The following MITF variants were observed in gnomAD, a reference collection of about 807,000 sequenced individuals.
MITF encodes the protein microphthalmia-associated transcription factor.
A neutral mutation model predicts 60.5 loss-of-function variants in MITF; 17 were observed. The observed-to-expected ratio is 0.28, with a 90% CI of 0.19 to 0.42. The LOEUF (loss-of-function observed/expected upper bound fraction) is 0.42. Ranked by LOEUF, MITF falls within the 10% of genes least tolerant of loss-of-function variation. The probability of loss-of-function intolerance (pLI) is 1.00; values close to 1 mark genes in which losing one functional copy is unlikely to be tolerated. For missense variants in MITF, 622 were observed against 683.5 expected, an observed-to-expected ratio of 0.91 and a Z score of 1.00; for synonymous variants, 260 against 248.5, an observed-to-expected ratio of 1.05 and a Z score of -0.43.
chr3:69,902,184 A>G (rs574243360), intron 2 of MITF, among the ~76,000 whole-genome samples: 1 of 152,236 alleles, frequency 6.6e-6, no homozygotes, highest in East Asian at 1.9e-4. Flanking sequence ...GAAGAATTGC[A>G]TTCATATTAT....
intron 1 of MITF, among the ~76,000 whole-genome samples, chr3:69,858,177 T>G (rs1175705164): frequency 6.6e-6 from 1 of 152,156 alleles, no homozygotes; most frequent in Non-Finnish European, 1.5e-5. Flanking sequence ...AATATTTTAC[T>G]ATCAACATTA....
At chr3:69,835,994 T>C (rs2063534569) in intron 1 of MITF, among the ~76,000 whole-genome samples, 2 of 152,182 alleles carry the variant, frequency 1.3e-5, no homozygotes, top group Admixed American at 1.3e-4. Context: ...GGATTTTTTT[T>C]CTATTTCTAT....
chr3:69,923,999 A>G (rs1420568553), intron 2 of MITF, among the ~76,000 whole-genome samples: 1 of 152,180 alleles, frequency 6.6e-6, no homozygotes, highest in Non-Finnish European at 1.5e-5. Flanking sequence ...TCAGTTGATT[A>G]CGTGTTTTAG....
chr3:69,942,561 T>C (rs1311450763), intron 5 of MITF, among the ~76,000 whole-genome samples: 2 of 152,128 alleles, frequency 1.3e-5, no homozygotes, highest in African/African-American at 2.4e-5. Context: ...CAAGCTTCTT[T>C]TATGATATTT....
rs770717815 is a variant in MITF at position 69,966,009 on chromosome 3, G to C, written c.*761G>C. On this transcript the variant is annotated 3_prime_UTR_variant, in exon 10 of 10. Coordinates refer to ENST00000352241, the MANE Select transcript of MITF (RefSeq NM_001354604.2). The stretch of plus-strand genomic sequence containing the variant: ...TCATAAGATATTTTATTTTGAAATG[G>C]AAATTAATGTCCTCTCAAAGTAAAA... The C allele has an allele frequency of 4.3e-6, 1 of 231,962 alleles. No individual in the cohort carries two copies. Among genetic ancestry groups the C allele is most frequent in the Admixed American group, 5.6e-5 (1 of 17,720 alleles). The allele number at this position is 231,962 out of a possible 1,614,324, so 14.4% of individuals were successfully genotyped here.
intron 1 of MITF, among the ~76,000 whole-genome samples, chr3:69,848,698 G>C (rs996193581): frequency 1.3e-5 from 2 of 152,120 alleles, no homozygotes; most frequent in Admixed American, 1.3e-4. Flanking sequence ...TTGTGAACAT[G>C]ATGGCAATGA....
chr3:69,760,303 G>A (rs965489938), intron 1 of MITF, among the ~76,000 whole-genome samples: 1 of 152,116 alleles, frequency 6.6e-6, no homozygotes, highest in African/African-American at 2.4e-5. Flanking sequence ...ATTGACAGAG[G>A]GCAGGTGAGC....
intron 1 of MITF, among the ~76,000 whole-genome samples, chr3:69,793,011 T>A (rs1368835570): frequency 1.6e-5 from 2 of 127,888 alleles, no homozygotes; most frequent in African/African-American, 3.0e-5. Flanking sequence ...TTTTTTTTTT[T>A]TTTTTTTTTT....
chr3:69,955,640 C>G (rs780377858), intron 7 of MITF, among the ~76,000 whole-genome samples: 3 of 151,838 alleles, frequency 2.0e-5, no homozygotes, highest in Non-Finnish European at 4.4e-5. Flanking sequence ...ACAGTGAAAC[C>G]CCCTTCTCTA....
chr3:69,903,269 C>T (rs754988509), intron 2 of MITF, among the ~76,000 whole-genome samples: 38 of 152,192 alleles, frequency 2.5e-4, no homozygotes, highest in South Asian at 8.3e-4. Flanking sequence ...TAGGAATGGC[C>T]TTGTAATCTG....
intron 1 of MITF, among the ~76,000 whole-genome samples, chr3:69,850,431 A>C (rs1056496047): frequency 6.6e-6 from 1 of 152,218 alleles, no homozygotes; most frequent in African/African-American, 2.4e-5. Context: ...AGATTAAAAT[A>C]AGGTAATGCA....
intron 1 of MITF, chr3:69,838,594 G>T (rs1213789795): frequency 6.6e-6 from 1 of 152,562 alleles, no homozygotes; most frequent in Non-Finnish European, 1.5e-5. Flanking sequence ...TTGTCAACAG[G>T]CTATTTTTCT....
chr3:69,890,091 A>G (rs1382327934), intron 2 of MITF, among the ~76,000 whole-genome samples: 1 of 152,156 alleles, frequency 6.6e-6, no homozygotes, highest in Non-Finnish European at 1.5e-5. Flanking sequence ...ACAAAGTATT[A>G]CTGTTTTCCT....
At chr3:69,916,874 A>G (rs928760596) in intron 2 of MITF, among the ~76,000 whole-genome samples, 1 of 152,238 alleles carries the variant, frequency 6.6e-6, no homozygotes, top group African/African-American at 2.4e-5. Flanking sequence ...TTATCATAAA[A>G]TAAACACATC....
At chr3:69,915,842 T>G (rs2065322495) in intron 2 of MITF, among the ~76,000 whole-genome samples, 1 of 152,148 alleles carries the variant, frequency 6.6e-6, no homozygotes, top group African/African-American at 2.4e-5. Context: ...CCCTGTTCCT[T>G]TTCCTTATCC....
rs79687365 is a variant in MITF, at chr3:69,953,623, A to G, written c.955+1737A>G. On this transcript the variant is annotated intron_variant, in intron 7 of 9. Coordinates refer to ENST00000352241, the MANE Select transcript of MITF (RefSeq NM_001354604.2). ...TATGTATGTATATGTATATATATAT[A>G]TGTGTGTATATATATATATGTATGT... 4.4e-3 allele frequency among the ~76,000 whole-genome samples: 550 copies of G among 124,858 alleles called. 3 individuals carry two copies. Among genetic ancestry groups the G allele is most frequent in the South Asian group, 0.027 (105 of 3,898 alleles). The allele number at this position is 124,858 out of a possible 152,430, so 81.9% of individuals were successfully genotyped here.
rs1011166919 is a variant in MITF, at chr3:69,949,036, T to C, written c.763-15T>C. 8 of 1,575,688 alleles carry C rather than the reference T, an allele frequency of 5.1e-6. No homozygotes were observed. The highest frequency in any genetic ancestry group is 7.0e-6 in the Non-Finnish European group (8 of 1,145,194). Reference sequence around the variant, plus strand: ...GTTCAACAGTTAATTTCTGTTACTGTTTGTCTCTCTCTAGTTGCCTGTCTC... The same window carrying C: ...GTTCAACAGTTAATTTCTGTTACTGCTTGTCTCTCTCTAGTTGCCTGTCTC... On this transcript the variant is annotated splice_polypyrimidine_tract_variant and intron_variant, in intron 5 of 9. Transcript: ENST00000352241.
Position 69,792,613 on chromosome 3 carries a change from G to C in MITF, c.104+52912G>C, listed in dbSNP as rs901171754. On this transcript the variant is annotated intron_variant, in intron 1 of 9. Transcript: ENST00000352241. The stretch of plus-strand genomic sequence containing the variant: ...CCCATGCAAATAAGATATGTATCTA[G>C]AGAAATTTGTTTTTCTAATTTTTAC... 6.6e-5 allele frequency among the ~76,000 whole-genome samples: 10 copies of C among 152,190 alleles called. No homozygotes were observed. The South Asian group carries it at 1.5e-3, about 22-fold the overall frequency.
intron 1 of MITF, among the ~76,000 whole-genome samples, chr3:69,761,531 G>A (rs919114717): frequency 6.6e-6 from 1 of 152,182 alleles, no homozygotes; most frequent in African/African-American, 2.4e-5. Context: ...AGAGGCAGGA[G>A]TGATCAGGAG....
Sources: allele counts gnomAD v4.1 joint callset (sites outside exome capture counted in the v4.1 genomes callset), GRCh38; gene constraint gnomAD v4.1.1; transcripts MANE v1.5; gene names NCBI Gene and HGNC (gene_info 2026-07-23, HGNC 2026-07-21).